Variants in PRDM5 observed in about 807,000 individuals in gnomAD.
PRDM5 encodes the protein PR/SET domain 5.
In PRDM5, 56 loss-of-function variants were observed where a neutral mutation model predicts 81.2. The observed-to-expected ratio is 0.69, with a 90% CI of 0.56 to 0.86. The LOEUF (loss-of-function observed/expected upper bound fraction) is 0.86, where lower values mean the gene tolerates loss of function less well. PRDM5 is among the 40% of genes least tolerant of loss of function. The pLI is 0.00. For missense variants in PRDM5, 697 were observed against 770.1 expected, an observed-to-expected ratio of 0.91 and a Z score of 1.12; for synonymous variants, 267 against 256.4, an observed-to-expected ratio of 1.04 and a Z score of -0.39.
chr4:120,782,536 T>A (rs1749186268), intron 11 of PRDM5, among the ~76,000 whole-genome samples: 1 of 152,116 alleles, frequency 6.6e-6, no homozygotes, highest in South Asian at 2.1e-4. Context: ...ATTATCCCTC[T>A]CTAACTTAAA....
chr4:120,828,827 T>G (rs1756355510), intron 3 of PRDM5, among the ~76,000 whole-genome samples: 1 of 152,042 alleles, frequency 6.6e-6, no homozygotes, highest in East Asian at 1.9e-4. Flanking sequence ...GAAGAACACT[T>G]TATCAAGACT....
chr4:120,695,698 T>C (rs1734445820), intron 15 of PRDM5, among the ~76,000 whole-genome samples: 1 of 152,130 alleles, frequency 6.6e-6, no homozygotes, highest in African/African-American at 2.4e-5. Flanking sequence ...TATTTCTTAT[T>C]ATATACACTT....
intron 2 of PRDM5, among the ~76,000 whole-genome samples, chr4:120,860,563 G>C (rs1760450085): frequency 2.6e-5 from 4 of 151,834 alleles, no homozygotes; most frequent in Non-Finnish European, 5.9e-5. Context: ...TGGACAGATA[G>C]GCTTTTTTAT....
chr4:120,733,909 A>G (rs1227503606), intron 14 of PRDM5, among the ~76,000 whole-genome samples: 6 of 148,110 alleles, frequency 4.1e-5, no homozygotes, highest in African/African-American at 1.2e-4. Flanking sequence ...AAAAAAAAAC[A>G]AAAAAACTGG....
intron 3 of PRDM5, chr4:120,839,331 G>A: frequency 1.4e-6 from 1 of 702,432 alleles, no homozygotes; most frequent in Middle Eastern, 2.3e-4. Flanking sequence ...AGATGAAGAG[G>A]AACTTCATTG....
chr4:120,809,650 C>T, intron 8 of PRDM5, among the ~76,000 whole-genome samples: 1 of 152,208 alleles, frequency 6.6e-6, no homozygotes, highest in Non-Finnish European at 1.5e-5. Context: ...AGATACTAGA[C>T]TATAGTATAA....
In PRDM5 at chr4:120,922,613, C is replaced by T. The variant is rs1293818021; in HGVS notation, c.-5G>A. ...CGGCACGTACATGCCCAGCATTTTCCCGGGCGCGGCGGCCGCCGCCTCTCT... is the reference window on the plus strand; with the variant it reads ...CGGCACGTACATGCCCAGCATTTTCTCGGGCGCGGCGGCCGCCGCCTCTCT... On this transcript the variant is annotated 5_prime_UTR_variant, in exon 1 of 16. Transcript: ENST00000264808. The T allele has an allele frequency of 1.3e-6, 2 of 1,588,744 alleles. No homozygotes were observed. The highest frequency in any genetic ancestry group is 1.3e-5 in the African/African-American group (1 of 74,418).
At chr4:120,757,704 C>A (rs1287021294) in intron 13 of PRDM5, among the ~76,000 whole-genome samples, 1 of 151,596 alleles carries the variant, frequency 6.6e-6, no homozygotes, top group Non-Finnish European at 1.5e-5. Flanking sequence ...CTCTTTCTCT[C>A]CTCCTCCTCC....
intron 15 of PRDM5, among the ~76,000 whole-genome samples, chr4:120,699,944 A>AAAACAAATAAATAAAT: frequency 6.7e-6 from 1 of 148,502 alleles, no homozygotes; most frequent in East Asian, 2.0e-4. Flanking sequence ...ATATAGAACC[A>AAAACAAATAAATAAAT]AAATAAATAA....
chr4:120,853,319 G>T, intron 3 of PRDM5, 99 bp downstream of exon 3: 2 of 1,537,040 alleles, frequency 1.3e-6, no homozygotes, highest in Non-Finnish European at 1.8e-6. Context: ...TTATTTGAAG[G>T]AGGTCATTGG....
At chr4:120,749,850 G>A (rs1234507045) in intron 14 of PRDM5, among the ~76,000 whole-genome samples, 36 of 152,172 alleles carry the variant, frequency 2.4e-4, no homozygotes. Context: ...CACAGGAGAG[G>A]TCTGCTGCTG....
At position 120,816,574 on chromosome 4, in the gene PRDM5, A is replaced by C; in HGVS notation, c.744T>G (p.Ser248Arg). The C allele has an allele frequency of 6.2e-7, 1 of 1,614,072 alleles. No individual in the cohort carries two copies. The highest frequency in any genetic ancestry group is 1.1e-5 in the South Asian group (1 of 91,074). Residue 248 changes from serine (S) to arginine (R), a missense_variant and splice_region_variant, in exon 7 of 16, where the codon AGT (serine) becomes AGG (arginine). Physicochemically the swap from Ser to Arg is moderately radical, Grantham distance 110. This residue lies in a region of PRDM5 where 577 missense variants were observed against 606.7 expected (regional missense o/e 0.95). Transcript: ENST00000264808. ...VCNSSFSSAS[S>R]FEQHQETCRG... ...GGCAAGTCTCCTGGTGCTGCTCAAA[A>C]CTACAAGACAACCAGCAAAGCGGAA...
At chr4:120,708,851 A>G (rs190091419) in intron 15 of PRDM5, among the ~76,000 whole-genome samples, 49 of 152,224 alleles carry the variant, frequency 3.2e-4, no homozygotes, top group Non-Finnish European at 6.6e-4. Context: ...ATCCACAATG[A>G]GTAGGTTAAG....
chr4:120,888,615 ATC>A (rs1763722809), intron 2 of PRDM5, among the ~76,000 whole-genome samples: 2 of 152,206 alleles, frequency 1.3e-5, no homozygotes, highest in Admixed American at 1.3e-4. Context: ...TCTAGTTAAT[ATC>A]TGTCTAGTGG....
At chr4:120,848,010 T>C (rs1056474256) in intron 3 of PRDM5, among the ~76,000 whole-genome samples, 1 of 152,190 alleles carries the variant, frequency 6.6e-6, no homozygotes, top group African/African-American at 2.4e-5. Flanking sequence ...CAGTGTATTA[T>C]AATAATAATT....
chr4:120,893,566 A>T (rs1406563530), intron 2 of PRDM5, among the ~76,000 whole-genome samples: 1 of 152,232 alleles, frequency 6.6e-6, no homozygotes, highest in African/African-American at 2.4e-5. Context: ...GTCACTGGAC[A>T]CAGTATTCTG....
intron 14 of PRDM5, among the ~76,000 whole-genome samples, chr4:120,741,131 C>A (rs760909629): frequency 6.6e-6 from 1 of 152,132 alleles, no homozygotes; most frequent in Non-Finnish European, 1.5e-5. Flanking sequence ...GCTTTTTATG[C>A]ATGCCTCCTA....
At chr4:120,829,525 A>C (rs551396541) in intron 3 of PRDM5, among the ~76,000 whole-genome samples, 1 of 152,214 alleles carries the variant, frequency 6.6e-6, no homozygotes, top group South Asian at 2.1e-4. Context: ...AAACAGTAAA[A>C]GTCTCTTGTT....
At chr4:120,736,002 C>T (rs1741060314) in intron 14 of PRDM5, among the ~76,000 whole-genome samples, 2 of 152,046 alleles carry the variant, frequency 1.3e-5, no homozygotes, top group African/African-American at 4.8e-5. Flanking sequence ...ACTCCTCTCA[C>T]TCCTCACCCT....
Sources: allele counts gnomAD v4.1 joint callset (sites outside exome capture counted in the v4.1 genomes callset), GRCh38; gene constraint gnomAD v4.1.1; regional missense constraint gnomAD v4.1.1; transcripts MANE v1.5; gene names NCBI Gene and HGNC (gene_info 2026-07-23, HGNC 2026-07-21).